PCSK2: variants seen among roughly 807,000 people sequenced by gnomAD.
The protein encoded by PCSK2 is neuroendocrine convertase 2.
In PCSK2, 14 loss-of-function variants were observed where a neutral mutation model predicts 69.7. That is an observed-to-expected ratio of 0.20 (90% confidence interval 0.13 to 0.31). The LOEUF is 0.31. Ranked by LOEUF, PCSK2 falls within the 10% of genes least tolerant of loss-of-function variation. The pLI is 1.00. For synonymous variants in PCSK2, 307 were observed against 320.7 expected (o/e 0.96, Z 0.46); for missense variants, 544 against 842.5 (o/e 0.65, Z 4.39).
chr20:17,394,168 C>A (rs1373437719), intron 5 of PCSK2, among the ~76,000 whole-genome samples: 1 of 152,126 alleles, frequency 6.6e-6, no homozygotes, highest in East Asian at 1.9e-4. Context: ...ATGATAATAA[C>A]AAAATAATAA....
intron 5 of PCSK2, among the ~76,000 whole-genome samples, chr20:17,391,636 C>T (rs2031376357): frequency 6.6e-6 from 1 of 152,170 alleles, no homozygotes; most frequent in Non-Finnish European, 1.5e-5. Flanking sequence ...AAGGAAGTAG[C>T]TCTTATTCTC....
chr20:17,468,019 T>A (rs971576848), intron 11 of PCSK2, among the ~76,000 whole-genome samples: 2 of 151,684 alleles, frequency 1.3e-5, no homozygotes, highest in African/African-American at 4.8e-5. Flanking sequence ...CATCCTCCCA[T>A]GGGCCAGCAG....
intron 5 of PCSK2, among the ~76,000 whole-genome samples, chr20:17,375,325 T>C (rs2030891905): frequency 6.6e-6 from 1 of 151,946 alleles, no homozygotes; most frequent in Non-Finnish European, 1.5e-5. Flanking sequence ...ATTGTGAGGG[T>C]TGCAAAGTTA....
chr20:17,288,306 A>G (rs144960549), intron 2 of PCSK2, among the ~76,000 whole-genome samples: 1 of 152,294 alleles, frequency 6.6e-6, no homozygotes, highest in African/African-American at 2.4e-5. Context: ...GCATTTCAAG[A>G]AGGGGAGAGG....
At chr20:17,467,532 T>G (rs2033123326) in intron 11 of PCSK2, among the ~76,000 whole-genome samples, 1 of 152,240 alleles carries the variant, frequency 6.6e-6, no homozygotes, top group Non-Finnish European at 1.5e-5. Context: ...GCCAGCTCTT[T>G]GATGACAAAG....
chr20:17,293,605 T>C lies in PCSK2; in HGVS notation c.282+33261T>C, dbSNP rs554738759. ...GTTGCATTTTCTTTTAACGAATTAA[T>C]TTAATAAAGTGTATTATATGAATAG... On this transcript the variant is annotated intron_variant, in intron 2 of 11. Transcript: ENST00000262545. 5.9e-5 allele frequency among the ~76,000 whole-genome samples: 9 copies of C among 152,350 alleles called. No individual in the cohort carries two copies. In the South Asian group the frequency reaches 1.2e-3, roughly 21 times the overall value.
chr20:17,475,773 C>G (rs761015), intron 11 of PCSK2, among the ~76,000 whole-genome samples: 1 of 151,982 alleles, frequency 6.6e-6, no homozygotes, highest in East Asian at 1.9e-4. Flanking sequence ...TAATAGTGAC[C>G]ACTGCACTTG....
chr20:17,336,124 C>T (rs1391070580), intron 2 of PCSK2, among the ~76,000 whole-genome samples: 2 of 152,084 alleles, frequency 1.3e-5, no homozygotes, highest in East Asian at 3.9e-4. Context: ...AATTGTAATA[C>T]CACTTTATAA....
chr20:17,243,469 G>A (rs375873535), intron 1 of PCSK2, among the ~76,000 whole-genome samples: 7 of 152,196 alleles, frequency 4.6e-5, no homozygotes, highest in African/African-American at 1.4e-4. Context: ...CAAAGTGCTG[G>A]AATTACAGGC....
chr20:17,343,269 C>T lies in PCSK2; in HGVS notation c.283-15058C>T, dbSNP rs11908259. 3.0e-3 allele frequency among the ~76,000 whole-genome samples: 457 copies of T among 152,312 alleles called. 1 individual carries two copies. Among genetic ancestry groups the T allele is most frequent in the African/African-American group, 0.011 (438 of 41,572 alleles). The stretch of plus-strand genomic sequence containing the variant: ...AAATTCCCAGTGGCCACCAAAACAT[C>T]TGATAGTTAAAAAGCCCATCTTAAA... On this transcript the variant is annotated intron_variant, in intron 2 of 11. Transcript: ENST00000262545.
intron 2 of PCSK2, among the ~76,000 whole-genome samples, chr20:17,334,519 T>TA (rs2123158411): frequency 6.6e-6 from 1 of 152,268 alleles, no homozygotes; most frequent in African/African-American, 2.4e-5. Context: ...AGCGGATTCT[T>TA]ACGGGGGGGC....
At chr20:17,254,149 A>G (rs568700072) in intron 1 of PCSK2, among the ~76,000 whole-genome samples, 6 of 152,140 alleles carry the variant, frequency 3.9e-5, no homozygotes, top group Admixed American at 1.3e-4. Context: ...TTTTTCTCCA[A>G]TCTGTGGGTT....
intron 6 of PCSK2, among the ~76,000 whole-genome samples, chr20:17,424,187 T>C (rs1317899954): frequency 1.3e-5 from 2 of 152,274 alleles, no homozygotes; most frequent in African/African-American, 4.8e-5. Flanking sequence ...TCACAGCATA[T>C]TTATAAATGG....
At chr20:17,233,704 C>A (rs1986229891) in intron 1 of PCSK2, among the ~76,000 whole-genome samples, 1 of 152,192 alleles carries the variant, frequency 6.6e-6, no homozygotes, top group Non-Finnish European at 1.5e-5. Flanking sequence ...ACCCCAGTTT[C>A]CAGCAAAAGA....
At chr20:17,242,502 T>C (rs2122957119) in intron 1 of PCSK2, among the ~76,000 whole-genome samples, 1 of 152,368 alleles carries the variant, frequency 6.6e-6, no homozygotes, top group African/African-American at 2.4e-5. Flanking sequence ...TATAGTTCTA[T>C]AGTCTAGTTT....
chr20:17,287,426 C>CGTGTGT (rs1376381667), intron 2 of PCSK2, among the ~76,000 whole-genome samples: 2 of 102,188 alleles, frequency 2.0e-5, no homozygotes, highest in Non-Finnish European at 3.9e-5. Context: ...CCAGCATGTG[C>CGTGTGT]GTGTCTGTGT....
At chr20:17,473,385 C>G (rs1285795686) in intron 11 of PCSK2, among the ~76,000 whole-genome samples, 1 of 152,162 alleles carries the variant, frequency 6.6e-6, no homozygotes, top group African/African-American at 2.4e-5. Context: ...GCCTCCGCGC[C>G]TGACCTAAGA....
chr20:17,456,376 C>A lies in PCSK2; in HGVS notation c.1130C>A (p.Thr377Asn). 1 of 1,612,306 alleles carries A rather than the reference C, an allele frequency of 6.2e-7. No homozygotes were observed. The highest frequency in any genetic ancestry group is 8.5e-7 in the Non-Finnish European group (1 of 1,178,256). Residue 377 changes from threonine (T) to asparagine (N), a missense_variant, in exon 10 of 12, where the codon ACT becomes AAT. Thr to Asn is a moderately conservative substitution (Grantham distance 65). This residue lies in a region of PCSK2 where 187 missense variants were observed against 399.8 expected (regional missense o/e 0.47). Transcript: ENST00000262545. ...ACCACAGATTTGTACGGCAACTGCA[C>A]TCTGAGGCATTCTGGGACATCTGCA... ...VATTDLYGNC[T>N]LRHSGTSAAA...
At chr20:17,294,190 C>T (rs559849838) in intron 2 of PCSK2, among the ~76,000 whole-genome samples, 9 of 149,738 alleles carry the variant, frequency 6.0e-5, no homozygotes, top group Non-Finnish European at 1.2e-4. Context: ...CTGCAAGCTC[C>T]GCCTCCCGGG....
Sources: allele counts gnomAD v4.1 joint callset (sites outside exome capture counted in the v4.1 genomes callset), GRCh38; gene constraint gnomAD v4.1.1; regional missense constraint gnomAD v4.1.1; transcripts MANE v1.5; gene names NCBI Gene and HGNC (gene_info 2026-07-23, HGNC 2026-07-21).